The following AVPR2 variants were observed in gnomAD, a reference collection of about 807,000 sequenced individuals.
AVPR2 encodes the protein arginine vasopressin receptor 2.
Under a neutral mutation model 12.0 loss-of-function variants are expected in AVPR2, and 3 were observed. That is an observed-to-expected ratio of 0.25 (90% CI 0.11 to 0.64). The LOEUF is 0.64. AVPR2 is among the 30% of genes least tolerant of loss of function. The probability of loss-of-function intolerance (pLI) is 0.84; values close to 1 mark genes in which losing one functional copy is unlikely to be tolerated. For synonymous variants in AVPR2, 143 were observed against 147.5 expected (o/e 0.97, Z 0.22); for missense variants, 279 against 347.9 (o/e 0.80, Z 1.58).
Position 153,905,519 on chromosome X carries a change from G to A in AVPR2, c.26-13G>A, listed in dbSNP as rs375318450. On this transcript the variant is annotated splice_polypyrimidine_tract_variant and intron_variant, in intron 2 of 3. Transcript: ENST00000646375. Reference sequence around the variant, plus strand: ...CCCTCTCTAACCAGGCCCTCTTCCCGACTCCTTCCCAGCTGTGCCTGGGCA... The same window carrying A: ...CCCTCTCTAACCAGGCCCTCTTCCCAACTCCTTCCCAGCTGTGCCTGGGCA... 5.2e-5 allele frequency: 61 copies of A among 1,176,710 alleles called. No individual in the cohort carries two copies. Among genetic ancestry groups the A allele is most frequent in the Non-Finnish European group, 6.3e-5 (55 of 877,754 alleles).
chrX:153,904,926 T>G, intron 1 of AVPR2, 48 bp from the exon 2 acceptor site: 1 of 501,508 alleles, frequency 2.0e-6, no homozygotes, highest in Non-Finnish European at 3.5e-6. Context: ...GATCCTGGGT[T>G]CTGTGCATCC....
upstream of AVPR2, among the ~76,000 whole-genome samples, chrX:153,903,781 G>A (rs1167422000): frequency 2.7e-5 from 3 of 109,491 alleles, no homozygotes; most frequent in African/African-American, 1.0e-4. Flanking sequence ...AGGCAACAGA[G>A]AAGACAGACA....
At position 153,905,131 on chromosome X, in the gene AVPR2, T is replaced by G; in HGVS notation, c.-15T>G. On this transcript the variant is annotated 5_prime_UTR_variant, in exon 2 of 4. Transcript: ENST00000646375. The stretch of plus-strand genomic sequence containing the variant: ...ATCACCTCCAGGCCCTCAGAACACC[T>G]GCCCCAGCCCCACCATGCTCATGGC... The G allele has an allele frequency of 8.3e-7, 1 of 1,211,914 alleles. No individual in the cohort carries two copies. The highest frequency in any genetic ancestry group is 1.1e-6 in the Non-Finnish European group (1 of 895,421).
chrX:153,906,118 C>T lies in AVPR2; in HGVS notation c.612C>T (p.Thr204=). Residue 204 remains threonine (T), a synonymous_variant, in exon 3 of 4, where the codon ACC becomes ACT. Transcript: ENST00000646375. The part of the protein sequence containing the change: ...ACFAEPWGRR[T]YVTWIALMVF... ...TTGCGGAGCCCTGGGGCCGTCGCACCTATGTCACCTGGATTGCCCTGATGG... is the reference window on the plus strand; with the variant it reads ...TTGCGGAGCCCTGGGGCCGTCGCACTTATGTCACCTGGATTGCCCTGATGG... The T allele has an allele frequency of 8.2e-7, 1 of 1,212,453 alleles. No individual in the cohort carries two copies. The highest frequency in any genetic ancestry group is 1.1e-6 in the Non-Finnish European group (1 of 895,616).
At chrX:153,904,248 G>C (rs2064948491), upstream of AVPR2, among the ~76,000 whole-genome samples, 1 of 112,350 alleles carries the variant, frequency 8.9e-6, no homozygotes, top group Admixed American at 9.3e-5. Context: ...CGGCCAACTG[G>C]GCCCTAACTG....
intron 2 of AVPR2, 77 bp from the exon 3 acceptor site, chrX:153,905,455 G>A (rs1261357011): frequency 3.8e-6 from 4 of 1,039,690 alleles, no homozygotes; most frequent in East Asian, 6.6e-5. Flanking sequence ...GTGTCCGGAT[G>A]GGGGCACGGG....
At position 153,907,005 on chromosome X, in the gene AVPR2, G is replaced by A. The variant is rs2064974047; in HGVS notation, c.*277G>A. 5 of 475,650 alleles carry A rather than the reference G, an allele frequency of 1.1e-5. No individual in the cohort carries two copies. Among genetic ancestry groups the A allele is most frequent in the Admixed American group, 8.2e-5 (3 of 36,490 alleles). The allele number at this position is 475,650 out of a possible 1,213,427, so 39.2% of individuals were successfully genotyped here. The stretch of plus-strand genomic sequence containing the variant: ...GGAGGGGCTGCAGCAGAGGCCTGAG[G>A]AGTGGCAGGAAAGAGGGAGCAGGTG... On this transcript the variant is annotated 3_prime_UTR_variant, in exon 4 of 4. Coordinates refer to ENST00000646375, the MANE Select transcript of AVPR2 (RefSeq NM_000054.7).
rs2064951637 is a variant in AVPR2 at position 153,904,888 on chromosome X, A to G, written c.-172-86A>G. On this transcript the variant is annotated intron_variant, in intron 1 of 3. Coordinates refer to ENST00000646375, the MANE Select transcript of AVPR2 (RefSeq NM_000054.7). ...GTGTCTGTCTGGGGTGCCCACTCCC[A>G]AACCCGGGACTCATGGGCTGCCTGG... 19 of 456,065 alleles carry G rather than the reference A, an allele frequency of 4.2e-5. No homozygotes were observed. The South Asian group carries it at 5.8e-4, about 14-fold the overall frequency. 37.6% of individuals were successfully genotyped at this position (456,065 alleles called of 1,213,427 possible).
At chrX:153,904,852 G>C (rs996033398) in intron 1 of AVPR2, 81 bp downstream of exon 1, 2 of 430,143 alleles carry the variant, frequency 4.6e-6, no homozygotes, top group Admixed American at 7.0e-5. Flanking sequence ...GTTGGGGCAG[G>C]GGAGTTCTGC....
In AVPR2 at chrX:153,906,866, G is replaced by A; in HGVS notation, c.*138G>A. 1 of 671,837 alleles carries A rather than the reference G, an allele frequency of 1.5e-6. No individual in the cohort carries two copies. The highest frequency in any genetic ancestry group is 2.4e-6 in the Non-Finnish European group (1 of 425,205). The allele number at this position is 671,837 out of a possible 1,213,427, so 55.4% of individuals were successfully genotyped here. A position where few individuals can be genotyped will look rare whatever the true frequency, so the allele number is the denominator to read the frequency against. On this transcript the variant is annotated 3_prime_UTR_variant, in exon 4 of 4. Coordinates refer to ENST00000646375, the MANE Select transcript of AVPR2 (RefSeq NM_000054.7). Reference sequence around the variant, plus strand: ...GGCCCCGAGGCTGGGACACTGTGTGGCCCTGGACAAGCCACAGCCCCTGCC... The same window carrying A: ...GGCCCCGAGGCTGGGACACTGTGTGACCCTGGACAAGCCACAGCCCCTGCC...
In AVPR2 at chrX:153,904,745, C is replaced by T. The variant is rs782727158; in HGVS notation, c.-199C>T. ...GAGCACCCAGCCACCTTCACGCCAC[C>T]GCCCAGCTGCCCAGGAGCCCAGCCA... On this transcript the variant is annotated 5_prime_UTR_variant, in exon 1 of 4. Coordinates refer to ENST00000646375, the MANE Select transcript of AVPR2 (RefSeq NM_000054.7). 2.9e-4 allele frequency: 83 copies of T among 287,776 alleles called. No homozygotes were observed. The highest frequency in any genetic ancestry group is 1.8e-3 in the African/African-American group (67 of 36,817). 23.7% of individuals were successfully genotyped at this position (287,776 alleles called of 1,213,427 possible).
At chrX:153,905,312 C>T in intron 2 of AVPR2, 142 bp downstream of exon 2, 1 of 987,397 alleles carries the variant, frequency 1.0e-6, no homozygotes, top group Non-Finnish European at 1.4e-6. Flanking sequence ...GAGCACAGCC[C>T]CACTTCCCCG....
At chrX:153,904,314 C>T (rs2064948856), upstream of AVPR2, among the ~76,000 whole-genome samples, 1 of 112,813 alleles carries the variant, frequency 8.9e-6, no homozygotes, top group Non-Finnish European at 1.9e-5. Flanking sequence ...GTGTTTTCAC[C>T]CCTTCCTTGC....
chrX:153,903,867 G>A (rs1364634739), upstream of AVPR2, among the ~76,000 whole-genome samples: 1 of 108,375 alleles, frequency 9.2e-6, no homozygotes, highest in African/African-American at 3.4e-5. Context: ...GCCTGGGTGC[G>A]GGGGGAGTGG....
Position 153,904,962 on chromosome X carries a change from T to C in AVPR2, c.-172-12T>C, listed in dbSNP as rs2064951958. The stretch of plus-strand genomic sequence containing the variant: ...GTCTGTCTGACCATCCCTCTCAATC[T>C]TCCCTGCCCAGGACTGGCCATACTG... On this transcript the variant is annotated splice_polypyrimidine_tract_variant and intron_variant, in intron 1 of 3. Transcript: ENST00000646375. 5.3e-6 allele frequency: 3 copies of C among 568,062 alleles called. No individual in the cohort carries two copies. Among genetic ancestry groups the C allele is most frequent in the Non-Finnish European group, 8.7e-6 (3 of 344,478 alleles). The allele number at this position is 568,062 out of a possible 1,213,427, so 46.8% of individuals were successfully genotyped here.
At chrX:153,904,518 G>A (rs1272447889), upstream of AVPR2, among the ~76,000 whole-genome samples, 30 of 111,973 alleles carry the variant, frequency 2.7e-4, 1 homozygote. Flanking sequence ...GGGCGTGGTA[G>A]GGTGAGGGTG....
chrX:153,905,198 T>C lies in AVPR2; in HGVS notation c.25+28T>C, dbSNP rs782288868. On this transcript the variant is annotated intron_variant, in intron 2 of 3. Coordinates refer to ENST00000646375, the MANE Select transcript of AVPR2 (RefSeq NM_000054.7). ...AAGGCTTGCCCCTCCATGAGTCCGG[T>C]GGGCAGAGTGGGTTTGACGATTCAG... is the stretch of plus-strand genomic sequence containing the variant. 4 of 1,210,011 alleles carry C rather than the reference T, an allele frequency of 3.3e-6. No individual in the cohort carries two copies. The South Asian group carries it at 7.0e-5, about 21-fold the overall frequency.
chrX:153,902,731 T>G (rs2064940142), upstream of AVPR2: 1 of 328,617 alleles, frequency 3.0e-6, no homozygotes, highest in African/African-American at 2.6e-5. Flanking sequence ...GATTCTTCCC[T>G]AGTTTAACAA....
chrX:153,904,950 T>C (rs1557100203), intron 1 of AVPR2, 24 bp from the exon 2 acceptor site: 1 of 540,498 alleles, frequency 1.9e-6, no homozygotes, highest in Admixed American at 2.7e-5. Context: ...TGTCTGACCA[T>C]CCCTCTCAAT....
Sources: allele counts gnomAD v4.1 joint callset (sites outside exome capture counted in the v4.1 genomes callset), GRCh38; gene constraint gnomAD v4.1.1; transcripts MANE v1.5; gene names NCBI Gene and HGNC (gene_info 2026-07-23, HGNC 2026-07-21).